The following GRID2 variants were observed in gnomAD, a reference collection of about 807,000 sequenced individuals.
The protein encoded by GRID2 is glutamate receptor ionotropic, delta-2.
A neutral mutation model predicts 114.8 loss-of-function variants in GRID2; 33 were observed. That is an observed-to-expected ratio of 0.29 (90% CI 0.22 to 0.38). The LOEUF is 0.38. GRID2 is among the 10% of genes least tolerant of loss of function. The pLI is 1.00. For synonymous variants in GRID2, 505 were observed against 449.9 expected (o/e 1.12, Z -1.55); for missense variants, 1,184 against 1,257.7 (o/e 0.94, Z 0.89).
chr4:92,719,319 A>C (rs1345432988), intron 2 of GRID2, among the ~76,000 whole-genome samples: 1 of 152,122 alleles, frequency 6.6e-6, no homozygotes, highest in East Asian at 1.9e-4. Flanking sequence ...CTACTTATGA[A>C]GTTATAAAAC....
intron 11 of GRID2, among the ~76,000 whole-genome samples, chr4:93,485,515 T>C (rs527790027): frequency 6.6e-6 from 1 of 151,898 alleles, no homozygotes; most frequent in Non-Finnish European, 1.5e-5. Context: ...TTACCTTTTA[T>C]ATTTATATCT....
intron 2 of GRID2, among the ~76,000 whole-genome samples, chr4:92,880,978 C>G (rs1052468930): frequency 1.3e-5 from 2 of 152,188 alleles, no homozygotes; most frequent in Non-Finnish European, 2.9e-5. Context: ...TCTCGGCTCA[C>G]TGAAACCTCT....
chr4:93,208,328 A>G (rs1322874876), intron 5 of GRID2, among the ~76,000 whole-genome samples: 4 of 152,102 alleles, frequency 2.6e-5, no homozygotes, highest in African/African-American at 4.8e-5. Flanking sequence ...TAACATGGAT[A>G]TCAGCTTCCT....
At chr4:93,277,106 A>T (rs541751361) in intron 8 of GRID2, among the ~76,000 whole-genome samples, 115 of 152,056 alleles carry the variant, frequency 7.6e-4, no homozygotes, top group African/African-American at 2.6e-3. Flanking sequence ...GATGCATAAT[A>T]CAAACTAGTA....
chr4:93,763,131 G>T (rs2110316949), intron 14 of GRID2, among the ~76,000 whole-genome samples: 1 of 152,204 alleles, frequency 6.6e-6, no homozygotes, highest in Admixed American at 6.5e-5. Flanking sequence ...GCGAATTCAA[G>T]GACCTGCAAG....
intron 8 of GRID2, among the ~76,000 whole-genome samples, chr4:93,298,492 C>G (rs1304881284): frequency 6.6e-6 from 1 of 152,162 alleles, no homozygotes; most frequent in African/African-American, 2.4e-5. Context: ...TCACCTTGAC[C>G]TAATTTACCT....
intron 8 of GRID2, among the ~76,000 whole-genome samples, chr4:93,260,867 G>T (rs2149549050): frequency 6.6e-6 from 1 of 151,946 alleles, no homozygotes; most frequent in East Asian, 1.9e-4. Context: ...ATACTGCAGA[G>T]ATCTTTATTA....
At chr4:93,137,704 C>T (rs1735389491) in intron 4 of GRID2, among the ~76,000 whole-genome samples, 1 of 152,064 alleles carries the variant, frequency 6.6e-6, no homozygotes, top group South Asian at 2.1e-4. Flanking sequence ...AAATGAGTTT[C>T]ATCTCCATGA....
intron 13 of GRID2, among the ~76,000 whole-genome samples, chr4:93,595,699 A>G (rs966621628): frequency 6.6e-6 from 1 of 152,210 alleles, no homozygotes; most frequent in Admixed American, 6.5e-5. Context: ...TTGCACAACT[A>G]ACTTTCCACA....
At chr4:93,607,889 G>C (rs1457352541) in intron 13 of GRID2, among the ~76,000 whole-genome samples, 4 of 151,880 alleles carry the variant, frequency 2.6e-5, no homozygotes, top group Non-Finnish European at 5.9e-5. Flanking sequence ...TAAATCATTA[G>C]AGAAGCATCT....
rs533231045 is a variant in GRID2 at position 92,394,638 on chromosome 4, A to G, written c.88+89894A>G. Among the ~76,000 whole-genome samples the G allele has an allele frequency of 2.6e-5, 4 of 152,088 alleles. No homozygotes were observed. The South Asian group carries it at 6.2e-4, about 24-fold the overall frequency. ...AAAGCCCAATTAAACATAAATTTCA[A>G]AACTCTGCAATAAATACTTTTTATT... On this transcript the variant is annotated intron_variant, in intron 1 of 15. Coordinates refer to ENST00000282020, the MANE Select transcript of GRID2 (RefSeq NM_001510.4).
intron 9 of GRID2, among the ~76,000 whole-genome samples, chr4:93,412,686 C>A (rs1255082092): frequency 6.6e-6 from 1 of 151,962 alleles, no homozygotes; most frequent in Non-Finnish European, 1.5e-5. Context: ...ACCTACCAAC[C>A]CGTCATCTAG....
At position 92,541,598 on chromosome 4, in the gene GRID2, G is replaced by A. The variant is rs550453120; in HGVS notation, c.89-48533G>A. On this transcript the variant is annotated intron_variant, in intron 1 of 15. Coordinates refer to ENST00000282020, the MANE Select transcript of GRID2 (RefSeq NM_001510.4). ...TATCAAAATGAGGATTAATACATGG[G>A]GATACATGATTTGGTATGCCTAAAT... Among the ~76,000 whole-genome samples the A allele has an allele frequency of 8.6e-5, 13 of 151,462 alleles. No individual in the cohort carries two copies. The East Asian group carries it at 2.5e-3, about 29-fold the overall frequency.
chr4:92,897,833 C>G (rs933850088), intron 2 of GRID2, among the ~76,000 whole-genome samples: 11 of 152,056 alleles, frequency 7.2e-5, no homozygotes, highest in Non-Finnish European at 1.3e-4. Context: ...GGGAAAAAGG[C>G]CACAAAGAAA....
chr4:93,401,893 A>C (rs1765926895), intron 9 of GRID2, among the ~76,000 whole-genome samples: 1 of 151,550 alleles, frequency 6.6e-6, no homozygotes, highest in South Asian at 2.1e-4. Flanking sequence ...TTTCCTAAAA[A>C]ATATCCATCA....
At chr4:93,699,139 A>G (rs1297672446) in intron 14 of GRID2, among the ~76,000 whole-genome samples, 1 of 152,088 alleles carries the variant, frequency 6.6e-6, no homozygotes, top group East Asian at 1.9e-4. Context: ...ATGAAGAAAT[A>G]CTGTTATTGC....
At chr4:92,429,171 G>C (rs983810511) in intron 1 of GRID2, among the ~76,000 whole-genome samples, 1 of 152,256 alleles carries the variant, frequency 6.6e-6, no homozygotes, top group Non-Finnish European at 1.5e-5. Context: ...TTGATGGGGT[G>C]CATGAGATAT....
chr4:92,982,022 TAAAAAAAAAAAAA>T (rs1161216679), intron 2 of GRID2, among the ~76,000 whole-genome samples: 1 of 80,202 alleles, frequency 1.2e-5, no homozygotes, highest in African/African-American at 4.6e-5. Flanking sequence ...AAAGTACTGG[TAAAAAAAAAAAAA>T]AAAAAAAAAA....
chr4:92,398,289 C>T (rs1730606427), intron 1 of GRID2, among the ~76,000 whole-genome samples: 1 of 152,038 alleles, frequency 6.6e-6, no homozygotes, highest in Admixed American at 6.6e-5. Context: ...ATTATTATTT[C>T]ACTATTATTA....
Sources: allele counts gnomAD v4.1 joint callset (sites outside exome capture counted in the v4.1 genomes callset), GRCh38; gene constraint gnomAD v4.1.1; transcripts MANE v1.5; gene names NCBI Gene and HGNC (gene_info 2026-07-23, HGNC 2026-07-21).